The following MICAL1 variants were observed in gnomAD, a reference collection of about 807,000 sequenced individuals.
MICAL1 encodes microtubule associated monooxygenase, calponin and LIM domain containing 1.
In MICAL1, 95 loss-of-function variants were observed where a neutral mutation model predicts 131.8. That is an observed-to-expected ratio of 0.72 (90% CI 0.61 to 0.86). The LOEUF (loss-of-function observed/expected upper bound fraction) is 0.86. MICAL1 is among the 40% of genes least tolerant of loss of function. The pLI is 0.00. For synonymous variants in MICAL1, 546 were observed against 554.2 expected (o/e 0.99, Z 0.21); for missense variants, 1,292 against 1,380.6 (o/e 0.94, Z 1.02).
At chr6:109,456,362 C>A (rs1775747218), upstream of MICAL1, among the ~76,000 whole-genome samples, 1 of 152,230 alleles carries the variant, frequency 6.6e-6, no homozygotes, top group African/African-American at 2.4e-5. Context: ...GGCCCGGGCG[C>A]CCCAGGATGG....
At chr6:109,447,021 C>A (rs1484477843) in intron 17 of MICAL1, 52 bp downstream of exon 17, 1 of 1,593,126 alleles carries the variant, frequency 6.3e-7, no homozygotes, top group East Asian at 2.2e-5. Context: ...TCTGTGTCCC[C>A]CAAGCAGGGC....
At chr6:109,458,277 G>A (rs1003020288), upstream of MICAL1, among the ~76,000 whole-genome samples, 10 of 152,144 alleles carry the variant, frequency 6.6e-5, no homozygotes, top group Non-Finnish European at 1.5e-5. Flanking sequence ...AAATAAGTGG[G>A]TGACACATGA....
At position 109,447,127 on chromosome 6, in the gene MICAL1, G is replaced by A. The variant is rs1775261392; in HGVS notation, c.2173C>T (p.His725Tyr). The A allele has an allele frequency of 1.9e-6, 3 of 1,614,082 alleles. No individual in the cohort carries two copies. Among genetic ancestry groups the A allele is most frequent in the Non-Finnish European group, 2.5e-6 (3 of 1,180,038 alleles). ...GGCCACAGTGTGGCCTCACAGGTAT[G>A]GCAGCGGAAGCAGCTCCGGTGGAAG... ...HFFHRSCFRC[H>Y]TCEATLWPGG... The change falls in exon 17 of 25, where the codon CAT becomes TAT. Residue 725 changes from histidine (H) to tyrosine (Y), a missense_variant. By Grantham distance (83) the His-to-Tyr change is moderately conservative. Transcript: ENST00000358807.
rs753832298 is a variant in MICAL1, at chr6:109,452,502, ATCAC to A, written c.676+5_676+8del. ...GATGCTGGCTTCTTTGAGGGAAGTG[ATCAC>A]TCACCTTCAGGGACGAATTTACCTC... On this transcript the variant is annotated splice_donor_5th_base_variant and intron_variant, in intron 5 of 24. Coordinates refer to ENST00000358807, the MANE Select transcript of MICAL1 (RefSeq NM_022765.4). The A allele has an allele frequency of 6.2e-7, 1 of 1,613,598 alleles. No individual in the cohort carries two copies. Among genetic ancestry groups the A allele is most frequent in the Admixed American group, 1.7e-5 (1 of 59,982 alleles).
Position 109,465,927 on chromosome 6 carries a change from A to G in MICAL1, c.-250T>C. The G allele has an allele frequency of 6.2e-7, 1 of 1,614,180 alleles. No homozygotes were observed. The highest frequency in any genetic ancestry group is 2.2e-5 in the East Asian group (1 of 44,862). On this transcript the variant is annotated 5_prime_UTR_variant, in exon 1 of 25. Coordinates refer to the MICAL1 transcript ENST00000630715. ...TGGTGGCGGACCAGGCTCCTGTGTC[A>G]GCTGCAGGTGCTGAGCTGGATCTGA...
chr6:109,449,856 C>T, intron 9 of MICAL1, 73 bp from the exon 10 acceptor site: 1 of 1,582,946 alleles, frequency 6.3e-7, no homozygotes, highest in Non-Finnish European at 8.6e-7. Context: ...TCAGGAACTG[C>T]CAGGCCTTTT....
At position 109,450,558 on chromosome 6, in the gene MICAL1, C is replaced by G; in HGVS notation, c.934-1G>C. 1 of 1,599,878 alleles carries G rather than the reference C, an allele frequency of 6.3e-7. No homozygotes were observed. The highest frequency in any genetic ancestry group is 8.6e-7 in the Non-Finnish European group (1 of 1,169,446). On this transcript the variant is annotated splice_acceptor_variant, in intron 7 of 24. Coordinates refer to ENST00000358807, the MANE Select transcript of MICAL1 (RefSeq NM_022765.4). LOFTEE classifies it high-confidence loss of function. Reference sequence around the variant, plus strand: ...GCAGCCGATTGGTGTCTGGCCAGTCCTGTATGGTCAACAGAGCAGAACCTC... The same window carrying G: ...GCAGCCGATTGGTGTCTGGCCAGTCGTGTATGGTCAACAGAGCAGAACCTC...
exon 1 of MICAL1, chr6:109,465,819 A>T: frequency 6.2e-7 from 1 of 1,614,150 alleles, no homozygotes; most frequent in Non-Finnish European, 8.5e-7. Flanking sequence ...TTATAAGAAG[A>T]GCCCAATCAA....
At chr6:109,463,508 C>G (rs746919453) in intron 1 of MICAL1, 1 of 152,120 alleles carries the variant, frequency 6.6e-6, no homozygotes, top group Non-Finnish European at 1.5e-5. Context: ...TCCCATGCAA[C>G]AAGGAACTGG....
At position 109,452,315 on chromosome 6, in the gene MICAL1, C is replaced by T. The variant is rs775269055; in HGVS notation, c.763G>A (p.Val255Met). 2.5e-6 allele frequency: 4 copies of T among 1,614,050 alleles called. No homozygotes were observed. Among genetic ancestry groups the T allele is most frequent in the East Asian group, 2.2e-5 (1 of 44,888 alleles). Reference protein sequence around the residue: ...VNGRTVEETQVPEISGVARIY... With the variant: ...VNGRTVEETQMPEISGVARIY... The stretch of plus-strand genomic sequence containing the variant: ...CTGGCTACACCACTGATCTCCGGCA[C>T]CTGTGTCTCCTCCACGGTGCGTCCA... Residue 255 changes from valine (V) to methionine (M), a missense_variant, in exon 6 of 25, where the codon GTG (valine) becomes ATG (methionine). By Grantham distance (21) the Val-to-Met change is conservative (BLOSUM62 1). Coordinates refer to ENST00000358807, the MANE Select transcript of MICAL1 (RefSeq NM_022765.4).
chr6:109,445,363 C>T, intron 21 of MICAL1, 53 bp downstream of exon 21: 1 of 1,612,816 alleles, frequency 6.2e-7, no homozygotes, highest in Non-Finnish European at 8.5e-7. Flanking sequence ...GAACTCTGAT[C>T]TCAGTCTCAG....
chr6:109,465,875 C>T lies in MICAL1; in HGVS notation c.-198G>A, dbSNP rs148353968. 1.7e-4 allele frequency: 280 copies of T among 1,614,136 alleles called. 1 individual carries two copies. The African/African-American group carries it at 2.6e-3, about 15-fold the overall frequency. On this transcript the variant is annotated 5_prime_UTR_variant, in exon 1 of 25. Transcript: ENST00000630715. ...GTCAGCTCTGCTCCTGGCCAAGTGG[C>T]GTTGGCTGGGGCACGTGGTGAGTGG...
At chr6:109,450,901 G>T (rs992524937) in intron 7 of MICAL1, among the ~76,000 whole-genome samples, 1 of 152,184 alleles carries the variant, frequency 6.6e-6, no homozygotes, top group Non-Finnish European at 1.5e-5. Flanking sequence ...TTAGATGGGA[G>T]ATGCAAATTT....
At chr6:109,452,718 T>G in intron 4 of MICAL1, 103 bp from the exon 5 acceptor site, 1 of 815,566 alleles carries the variant, frequency 1.2e-6, no homozygotes, top group Non-Finnish European at 1.9e-6. Context: ...AAGGACTCTC[T>G]GGTTTAGAAA....
Position 109,453,303 on chromosome 6 carries a change from C to A in MICAL1, c.531G>T (p.Trp177Cys), listed in dbSNP as rs780023555. Residue 177 changes from tryptophan to cysteine, a missense_variant, in exon 4 of 25, where the codon TGG (tryptophan) becomes TGT (cysteine). Trp to Cys is a radical substitution (Grantham distance 215). Coordinates refer to ENST00000358807, the MANE Select transcript of MICAL1 (RefSeq NM_022765.4). ...VALLLGVEIH[W>C]GVTFTGLQPP... is the part of the protein sequence containing the mutation. ...GCTGGAGGCCAGTGAAAGTGACACC[C>A]CAGTGAATTTCCACCCCCAGCAGCA... is the stretch of plus-strand genomic sequence containing the variant. 6.2e-7 allele frequency: 1 copy of A among 1,614,090 alleles called. No homozygotes were observed. The highest frequency in any genetic ancestry group is 8.5e-7 in the Non-Finnish European group (1 of 1,180,000).
intron 4 of MICAL1, 98 bp from the exon 5 acceptor site, chr6:109,452,713 C>T (rs977664907): frequency 1.2e-6 from 1 of 856,770 alleles, no homozygotes; most frequent in Non-Finnish European, 1.8e-6. Flanking sequence ...GTGTAAAGGA[C>T]TCTCTGGTTT....
rs776730196 is a variant in MICAL1, at chr6:109,455,479, G to C, written c.-44+240C>G. The C allele has an allele frequency of 1.1e-4, 17 of 154,214 alleles. No homozygotes were observed. The highest frequency in any genetic ancestry group is 1.7e-4 in the Non-Finnish European group (12 of 69,768). 9.6% of individuals were successfully genotyped at this position (154,214 alleles called of 1,614,324 possible). ...GGAAACGCCAGGACAAAGGCTGTGA[G>C]AGGGGTGGAGCGGTCTGAAAGGATG... On this transcript the variant is annotated intron_variant, in intron 1 of 24. Transcript: ENST00000358807. This position sits in a 1 kb window ranked among gnomAD's most constrained non-coding sequence, Gnocchi z 4.7.
chr6:109,453,780 G>A lies in MICAL1; in HGVS notation c.324C>T (p.Ala108=), dbSNP rs1775635609. ...RVAVELALLG[A]RVVLVEKRTK... ...TGCGCTTTTCCACCAGCACCACTCG[G>A]GCCCCCAGCAGCGCCAGCTCCACAG... The change falls in exon 3 of 25, where the codon GCC becomes GCT. Residue 108 remains alanine, a synonymous_variant. Coordinates refer to ENST00000358807, the MANE Select transcript of MICAL1 (RefSeq NM_022765.4). 6.2e-7 allele frequency: 1 copy of A among 1,613,730 alleles called. No homozygotes were observed. The highest frequency in any genetic ancestry group is 2.2e-5 in the East Asian group (1 of 44,870).
rs775620135 is a variant in MICAL1, at chr6:109,445,537, A to G, written c.2674-8T>C. The G allele has an allele frequency of 1.9e-6, 3 of 1,613,794 alleles. No individual in the cohort carries two copies. Among genetic ancestry groups the G allele is most frequent in the African/African-American group, 2.7e-5 (2 of 74,940 alleles). The stretch of plus-strand genomic sequence containing the variant: ...GGCAAAGGTCTGCAGGGCCTATAGG[A>G]GGGTCAGGCCAGTCAGGGATAGGGC... On this transcript the variant is annotated splice_region_variant and splice_polypyrimidine_tract_variant and intron_variant, in intron 20 of 24. Transcript: ENST00000358807.
Sources: allele counts gnomAD v4.1 joint callset (sites outside exome capture counted in the v4.1 genomes callset), GRCh38; gene constraint gnomAD v4.1.1; non-coding constraint Gnocchi (gnomAD v3.1); transcripts MANE v1.5; gene names NCBI Gene and HGNC (gene_info 2026-07-23, HGNC 2026-07-21).